Variants in NELFCD observed in about 807,000 individuals in gnomAD.
NELFCD encodes negative elongation factor C/D.
A neutral mutation model predicts 72.9 loss-of-function variants in NELFCD; 48 were observed. The ratio of observed to expected loss-of-function variants is 0.66; its 90% CI spans 0.52 to 0.84. The LOEUF is 0.84. Ranked by LOEUF, NELFCD falls within the 40% of genes least tolerant of loss-of-function variation. NELFCD has a pLI of 0.00. For synonymous variants in NELFCD, 297 were observed against 280.6 expected, an observed-to-expected ratio of 1.06 and a Z score of -0.59; for missense variants, 538 against 723.8, an observed-to-expected ratio of 0.74 and a Z score of 2.94.
At chr20:58,981,788 C>G (rs1169252022) in intron 1 of NELFCD, among the ~76,000 whole-genome samples, 1 of 152,236 alleles carries the variant, frequency 6.6e-6, no homozygotes, top group East Asian at 1.9e-4. Flanking sequence ...AAAAACTTCA[C>G]AGCAGCATCA....
Position 58,986,810 on chromosome 20 carries a change from A to G in NELFCD, c.233A>G (p.Tyr78Cys), listed in dbSNP as rs753983399. The change falls in exon 3 of 15, where the codon TAC becomes TGC. Residue 78 changes from tyrosine to cysteine, a missense_variant. Physicochemically the swap from Tyr to Cys is radical, Grantham distance 194 (BLOSUM62 -2). Around this residue, in one of 3 missense-constraint regions of NELFCD, gnomAD observed 355 missense variants for 534.5 expected, o/e 0.66. Transcript: ENST00000652272. The surrounding 1 kb of genome is among the most constrained non-coding windows in gnomAD (Gnocchi z 4.4). ...GTTATCCAGCTCTTATCTGAAAACT[A>G]CACCGCTGTGGCCCAGACTGTGAAC... ...ENVIQLLSEN[Y>C]TAVAQTVNLL... 11 of 1,614,056 alleles carry G rather than the reference A, an allele frequency of 6.8e-6. No individual in the cohort carries two copies. Among genetic ancestry groups the G allele is most frequent in the African/African-American group, 1.3e-5 (1 of 75,020 alleles).
At chr20:58,991,771 C>T in intron 9 of NELFCD, 110 bp from the exon 10 acceptor site, 1 of 1,317,286 alleles carries the variant, frequency 7.6e-7, no homozygotes, top group African/African-American at 1.5e-5. Flanking sequence ...TGACTCCCAA[C>T]TTAAGTAGAA....
At chr20:58,990,655 C>G in intron 7 of NELFCD, 2 of 397,356 alleles carry the variant, frequency 5.0e-6, no homozygotes, top group Non-Finnish European at 9.0e-6. Context: ...AAAATGAGCT[C>G]ATATTAGCTT....
In NELFCD at chr20:58,989,961, A is replaced by G. The variant is rs751885972; in HGVS notation, c.761A>G (p.Gln254Arg). 6 of 1,613,700 alleles carry G rather than the reference A, an allele frequency of 3.7e-6. No individual in the cohort carries two copies. Among genetic ancestry groups the G allele is most frequent in the Non-Finnish European group, 5.1e-6 (6 of 1,180,040 alleles). ...GGCTCCGCTGTGCGCAGGATCGCCC[A>G]GGAAGTGCAGCGCTTTGCCCAGGAG... is the stretch of plus-strand genomic sequence containing the variant. ...QGGSAVRRIA[Q>R]EVQRFAQEKG... The change falls in exon 7 of 15, where the codon CAG (glutamine) becomes CGG (arginine). Residue 254 changes from glutamine (Q) to arginine (R), a missense_variant. Transcript: ENST00000652272.
Position 58,993,877 on chromosome 20 carries a change from TGATGAC to T in NELFCD, c.1581+114_1581+119del. 1 of 1,295,486 alleles carries T rather than the reference TGATGAC, an allele frequency of 7.7e-7. No homozygotes were observed. The highest frequency in any genetic ancestry group is 1.1e-6 in the Non-Finnish European group (1 of 923,908). The allele number at this position is 1,295,486 out of a possible 1,614,324, so 80.2% of individuals were successfully genotyped here. A position where few individuals can be genotyped will look rare whatever the true frequency, so the allele number is the denominator to read the frequency against. ...CTGAGAACTGTGCTTTCTGATGTAG[TGATGAC>T]AATGACAGATACTCGTTTACCAAAA... On this transcript the variant is annotated intron_variant, in intron 13 of 14. Transcript: ENST00000652272. This position sits in a 1 kb window ranked among gnomAD's most constrained non-coding sequence, Gnocchi z 5.0.
Position 58,986,029 on chromosome 20 carries a change from A to C in NELFCD, c.61-64A>C. 1.9e-6 allele frequency: 2 copies of C among 1,045,938 alleles called. No homozygotes were observed. The allele number at this position is 1,045,938 out of a possible 1,614,324, so 64.8% of individuals were successfully genotyped here. A position where few individuals can be genotyped will look rare whatever the true frequency, so the allele number is the denominator to read the frequency against. On this transcript the variant is annotated intron_variant, in intron 1 of 14. Coordinates refer to ENST00000652272, the MANE Select transcript of NELFCD (RefSeq NM_198976.4). The surrounding 1 kb of genome is among the most constrained non-coding windows in gnomAD (Gnocchi z 4.4). Reference sequence around the variant, plus strand: ...CAAAATGGGCAGCATTATACGATTTAAGGTGAGATTAGGGTATTTGTATTA... The same window carrying C: ...CAAAATGGGCAGCATTATACGATTTCAGGTGAGATTAGGGTATTTGTATTA...
At chr20:58,989,431 C>T in intron 5 of NELFCD, 57 bp from the exon 6 acceptor site, 6 of 1,596,760 alleles carry the variant, frequency 3.8e-6, no homozygotes, top group South Asian at 3.3e-5. Context: ...AAGCCAGCTT[C>T]CCGTGGAGGT....
rs112314005 is a variant in NELFCD, at chr20:58,988,897, T to G, written c.397-17T>G. The stretch of plus-strand genomic sequence containing the variant: ...TGGGGCCTCCTCCTATCTTGCTGTT[T>G]GTGTGTGTGTTGGCAGACCCCAGCG... On this transcript the variant is annotated splice_polypyrimidine_tract_variant and intron_variant, in intron 4 of 14. Transcript: ENST00000652272. 6 of 1,585,954 alleles carry G rather than the reference T, an allele frequency of 3.8e-6. No individual in the cohort carries two copies. The highest frequency in any genetic ancestry group is 1.3e-5 in the African/African-American group (1 of 74,424).
chr20:58,983,002 C>T (rs1339943920), intron 1 of NELFCD, among the ~76,000 whole-genome samples: 1 of 152,046 alleles, frequency 6.6e-6, no homozygotes, highest in Non-Finnish European at 1.5e-5. Context: ...AGAGGGGACC[C>T]AAACCCACAT....
chr20:58,991,733 G>A (rs1184880166), intron 9 of NELFCD, 148 bp from the exon 10 acceptor site: 6 of 895,098 alleles, frequency 6.7e-6, no homozygotes, highest in Non-Finnish European at 1.0e-5. Flanking sequence ...TCTGTACACT[G>A]TGTGACTGTG....
At chr20:58,981,530 C>T (rs1347231828) in intron 1 of NELFCD, among the ~76,000 whole-genome samples, 161 bp downstream of exon 1, 3 of 147,936 alleles carry the variant, frequency 2.0e-5, no homozygotes, top group Non-Finnish European at 4.5e-5. Flanking sequence ...AAGCACAGCC[C>T]GCCCCGCCCC....
rs2091802716 is a variant in NELFCD at position 58,989,931 on chromosome 20, A to G, written c.731A>G (p.Gln244Arg). 1.2e-6 allele frequency: 2 copies of G among 1,614,042 alleles called. No homozygotes were observed. The highest frequency in any genetic ancestry group is 8.5e-7 in the Non-Finnish European group (1 of 1,180,050). Reference protein sequence around the residue: ...AMMSVLAQEEQGGSAVRRIAQ... With the variant: ...AMMSVLAQEERGGSAVRRIAQ... ...ATGTCCGTGCTGGCCCAGGAGGAGCAGGGGGGCTCCGCTGTGCGCAGGATC... is the reference window on the plus strand; with the variant it reads ...ATGTCCGTGCTGGCCCAGGAGGAGCGGGGGGGCTCCGCTGTGCGCAGGATC... The change falls in exon 7 of 15, where the codon CAG (glutamine) becomes CGG (arginine). Residue 244 changes from glutamine to arginine, a missense_variant. Coordinates refer to ENST00000652272, the MANE Select transcript of NELFCD (RefSeq NM_198976.4).
At chr20:58,983,054 A>C (rs1192430475) in intron 1 of NELFCD, among the ~76,000 whole-genome samples, 1 of 151,706 alleles carries the variant, frequency 6.6e-6, no homozygotes, top group Non-Finnish European at 1.5e-5. Context: ...CTGACTACCA[A>C]AGTGGTCCAG....
intron 5 of NELFCD, 128 bp from the exon 6 acceptor site, chr20:58,989,360 G>T: frequency 9.4e-7 from 1 of 1,060,542 alleles, no homozygotes; most frequent in Non-Finnish European, 1.4e-6. Flanking sequence ...GGTGAGGGCG[G>T]AGTGAAGGCC....
intron 4 of NELFCD, 36 bp downstream of exon 4, chr20:58,987,853 C>G (rs1450590284): frequency 6.5e-7 from 1 of 1,533,954 alleles, no homozygotes; most frequent in Non-Finnish European, 9.0e-7. Flanking sequence ...GTACCAGGCC[C>G]TAGGGTCTTT....
intron 10 of NELFCD, among the ~76,000 whole-genome samples, chr20:58,992,613 AC>A (rs1487236139): frequency 1.3e-5 from 2 of 152,332 alleles, no homozygotes; most frequent in East Asian, 3.9e-4. Context: ...AGCAGAGCTT[AC>A]GCCAGGCACA....
intron 10 of NELFCD, 26 bp from the exon 11 acceptor site, chr20:58,992,972 A>G: frequency 6.5e-7 from 1 of 1,530,978 alleles, no homozygotes; most frequent in East Asian, 2.3e-5. Context: ...TTGTTTTTTA[A>G]AGGAAGCATT....
In NELFCD at chr20:58,991,392, CA is replaced by C. The variant is rs768600162; in HGVS notation, c.1038del (p.Lys346AsnfsTer22). On this transcript the variant is annotated frameshift_variant, in exon 9 of 15. Transcript: ENST00000652272. LOFTEE classifies it high-confidence loss of function. The part of the protein sequence containing the change: ...GARINQDHKH[K>X]YIHILAYAAS... The stretch of plus-strand genomic sequence containing the variant: ...CTCGGATCAACCAGGACCACAAGCA[CA>C]AATACATCCACATCTTGGCGTACGC... The C allele has an allele frequency of 6.2e-7, 1 of 1,614,102 alleles. No individual in the cohort carries two copies. Among genetic ancestry groups the C allele is most frequent in the Non-Finnish European group, 8.5e-7 (1 of 1,180,042 alleles).
chr20:58,989,977 T>C lies in NELFCD; in HGVS notation c.777T>C (p.Phe259=), dbSNP rs778915200. 6.2e-7 allele frequency: 1 copy of C among 1,613,074 alleles called. No individual in the cohort carries two copies. Among genetic ancestry groups the C allele is most frequent in the Admixed American group, 1.7e-5 (1 of 60,028 alleles). Residue 259 remains phenylalanine (F), a synonymous_variant, in exon 7 of 15, where the codon TTT becomes TTC. Transcript: ENST00000652272. ...VRRIAQEVQR[F]AQEKGHDASQ... ...GGATCGCCCAGGAAGTGCAGCGCTT[T>C]GCCCAGGAGAAGTGAGAGGCCCTGT...
Sources: allele counts gnomAD v4.1 joint callset (sites outside exome capture counted in the v4.1 genomes callset), GRCh38; gene constraint gnomAD v4.1.1; regional missense constraint gnomAD v4.1.1; non-coding constraint Gnocchi (gnomAD v3.1); transcripts MANE v1.5; gene names NCBI Gene and HGNC (gene_info 2026-07-23, HGNC 2026-07-21).